The following PCDHA1 variants were observed in gnomAD, a reference collection of about 807,000 sequenced individuals.
PCDHA1 encodes the protein protocadherin alpha 1.
Under a neutral mutation model 61.3 loss-of-function variants are expected in PCDHA1, and 42 were observed. The ratio of observed to expected loss-of-function variants is 0.69; its 90% confidence interval spans 0.54 to 0.89. The LOEUF (loss-of-function observed/expected upper bound fraction) is 0.89. Ranked by LOEUF, PCDHA1 falls within the 40% of genes least tolerant of loss-of-function variation. The pLI is 0.00. For missense variants in PCDHA1, 1,256 were observed against 1,235.3 expected, an observed-to-expected ratio of 1.02 and a Z score of -0.25; for synonymous variants, 610 against 553.8, an observed-to-expected ratio of 1.10 and a Z score of -1.43.
At chr5:140,984,964 G>A (rs930753325) in intron 3 of PCDHA1, among the ~76,000 whole-genome samples, 1 of 151,936 alleles carries the variant, frequency 6.6e-6, no homozygotes. Context: ...TTGAGACAGA[G>A]TCTCGCTCTG....
rs185567567 is a variant in PCDHA1, at chr5:140,888,396, T to C, written c.2395-90553T>C. 3.4e-3 allele frequency among the ~76,000 whole-genome samples: 514 copies of C among 152,282 alleles called. 3 individuals are homozygous for C. The highest frequency in any genetic ancestry group is 0.014 in the Middle Eastern group (4 of 294). On this transcript the variant is annotated intron_variant, in intron 1 of 3. Coordinates refer to ENST00000504120, the MANE Select transcript of PCDHA1 (RefSeq NM_018900.4). The stretch of plus-strand genomic sequence containing the variant: ...AGCTCTGAGATGCTGCTAAACACCA[T>C]CCAATTGCTGCCAAACATCCTACCG...
At chr5:140,836,222 G>A (rs1366875668) in intron 1 of PCDHA1, 2 of 1,613,676 alleles carry the variant, frequency 1.2e-6, no homozygotes, top group Non-Finnish European at 8.5e-7. Flanking sequence ...AGTTGCAACC[G>A]GTGGCGGCCG....
intron 1 of PCDHA1, chr5:140,929,256 A>T (rs572411725): frequency 1.9e-6 from 3 of 1,613,220 alleles, no homozygotes; most frequent in Non-Finnish European, 2.5e-6. Context: ...CTGGGGTAGG[A>T]CTGAATTTGC....
At chr5:140,983,885 T>C (rs74936593) in intron 3 of PCDHA1, among the ~76,000 whole-genome samples, 2,965 of 152,290 alleles carry the variant, frequency 0.019, 72 homozygotes, top group African/African-American at 0.056. Flanking sequence ...ACTGGCAACT[T>C]TAAGGGCATT....
At chr5:140,971,752 A>C (rs1367685618) in intron 1 of PCDHA1, among the ~76,000 whole-genome samples, 2 of 138,248 alleles carry the variant, frequency 1.4e-5, no homozygotes, top group Non-Finnish European at 3.3e-5. Context: ...TATATCTCAT[A>C]TTACTGAATC....
At chr5:140,856,044 A>G (rs782811970) in intron 1 of PCDHA1, 1 of 1,581,666 alleles carries the variant, frequency 6.3e-7, no homozygotes, top group South Asian at 1.1e-5. Context: ...CAAGAGAAGG[A>G]TAAGATGGTT....
rs976643195 is a variant in PCDHA1 at position 141,010,391 on chromosome 5, C to A, written c.*454C>A. On this transcript the variant is annotated 3_prime_UTR_variant, in exon 4 of 4. Transcript: ENST00000504120. ...TGCGAGTGCCAGATATTGGCTGAGACGAGCCAGCTTAGACTAATTGGTACA... is the reference window on the plus strand; with the variant it reads ...TGCGAGTGCCAGATATTGGCTGAGAAGAGCCAGCTTAGACTAATTGGTACA... The A allele has an allele frequency of 2.2e-6, 3 of 1,386,760 alleles. No homozygotes were observed. Among genetic ancestry groups the A allele is most frequent in the Non-Finnish European group, 2.9e-6 (3 of 1,041,298 alleles). The allele number at this position is 1,386,760 out of a possible 1,614,324, so 85.9% of individuals were successfully genotyped here.
intron 1 of PCDHA1, chr5:140,857,764 G>C (rs552891884): frequency 2.5e-6 from 4 of 1,597,520 alleles, no homozygotes; most frequent in Non-Finnish European, 3.4e-6. Context: ...CTGGCAGCGC[G>C]GGCGGTGCAG....
At chr5:140,938,887 A>ACG (rs2092246756) in intron 1 of PCDHA1, among the ~76,000 whole-genome samples, 1 of 152,094 alleles carries the variant, frequency 6.6e-6, no homozygotes, top group South Asian at 2.1e-4. Flanking sequence ...ACACACACAC[A>ACG]CACAGATGCG....
chr5:140,933,539 G>A (rs1173969458), intron 1 of PCDHA1, among the ~76,000 whole-genome samples: 1 of 152,018 alleles, frequency 6.6e-6, no homozygotes, highest in Non-Finnish European at 1.5e-5. Flanking sequence ...TCAAAATAAT[G>A]TTAATATAAA....
At chr5:140,823,923 G>C in intron 1 of PCDHA1, 1 of 1,614,002 alleles carries the variant, frequency 6.2e-7, no homozygotes, top group Non-Finnish European at 8.5e-7. Context: ...CGCTGCTGCT[G>C]TACACCGCGC....
chr5:140,881,279 G>A, intron 1 of PCDHA1: 2 of 760,202 alleles, frequency 2.6e-6, no homozygotes, highest in South Asian at 6.0e-5. Flanking sequence ...GAAGTAAGAT[G>A]GAGAGAGAAA....
At chr5:140,848,621 C>T (rs2150415318) in intron 1 of PCDHA1, 1 of 1,593,480 alleles carries the variant, frequency 6.3e-7, no homozygotes, top group Non-Finnish European at 8.6e-7. Context: ...CCGAACACGG[C>T]ACCTTCGTGG....
At chr5:140,835,974 T>A (rs782216011) in intron 1 of PCDHA1, 1 of 1,612,180 alleles carries the variant, frequency 6.2e-7, no homozygotes, top group African/African-American at 1.3e-5. Context: ...GCTGGAGCTG[T>A]TGCAGTTCCA....
intron 1 of PCDHA1, chr5:140,803,263 C>G: frequency 6.2e-7 from 1 of 1,613,934 alleles, no homozygotes; most frequent in Non-Finnish European, 8.5e-7. Context: ...GCCACGGGCC[C>G]GGAAGCTGCA....
chr5:140,786,928 C>T lies in PCDHA1; in HGVS notation c.638C>T (p.Thr213Ile). ...EETPELHLLL[T>I]ATDGGKPELQ... ...ACACCAGAACTTCACTTATTACTGA[C>T]TGCCACTGATGGGGGCAAACCGGAG... Residue 213 changes from threonine (T) to isoleucine (I), a missense_variant, in exon 1 of 4, where the codon ACT becomes ATT. Transcript: ENST00000504120. 1.2e-6 allele frequency: 2 copies of T among 1,614,190 alleles called. No homozygotes were observed. The highest frequency in any genetic ancestry group is 1.7e-6 in the Non-Finnish European group (2 of 1,180,044).
intron 1 of PCDHA1, among the ~76,000 whole-genome samples, chr5:140,820,412 A>G: frequency 6.6e-6 from 1 of 152,030 alleles, no homozygotes. Flanking sequence ...TTTTAAATGT[A>G]AAAGTATCCA....
intron 1 of PCDHA1, among the ~76,000 whole-genome samples, chr5:140,951,626 C>T (rs1182328214): frequency 3.3e-5 from 5 of 152,062 alleles, no homozygotes; most frequent in African/African-American, 4.8e-5. Context: ...AAGGGGGAAA[C>T]CTGCCCCATG....
chr5:140,848,388 TC>T, intron 1 of PCDHA1: 1 of 1,225,380 alleles, frequency 8.2e-7, no homozygotes, highest in Non-Finnish European at 1.2e-6. Context: ...TTTCACTCTC[TC>T]TGTGCTGAAC....
Sources: allele counts gnomAD v4.1 joint callset (sites outside exome capture counted in the v4.1 genomes callset), GRCh38; gene constraint gnomAD v4.1.1; transcripts MANE v1.5; gene names NCBI Gene and HGNC (gene_info 2026-07-23, HGNC 2026-07-21).